Variants in WNK2 observed in about 807,000 individuals in gnomAD.
The protein encoded by WNK2 is WNK lysine deficient protein kinase 2.
A neutral mutation model predicts 192.1 loss-of-function variants in WNK2; 67 were observed. The observed-to-expected ratio is 0.35, with a 90% confidence interval of 0.29 to 0.43. The LOEUF (loss-of-function observed/expected upper bound fraction) is 0.43, where lower values mean the gene tolerates loss of function less well. WNK2 is among the 20% of genes least tolerant of loss of function. The pLI is 1.00. For missense variants in WNK2, 2,698 were observed against 3,089.7 expected, an observed-to-expected ratio of 0.87 and a Z score of 3.01; for synonymous variants, 1,439 against 1,393.9, an observed-to-expected ratio of 1.03 and a Z score of -0.72.
At chr9:93,263,817 G>T (rs1211695640) in intron 15 of WNK2, 83 bp downstream of exon 15, 4 of 506,518 alleles carry the variant, frequency 7.9e-6, no homozygotes, top group South Asian at 5.8e-5. Context: ...TGGCGGGGGT[G>T]TGGTGGGGGT....
At chr9:93,287,356 C>A (rs1290929767) in intron 19 of WNK2, among the ~76,000 whole-genome samples, 1 of 152,140 alleles carries the variant, frequency 6.6e-6, no homozygotes, top group Admixed American at 6.5e-5. Flanking sequence ...AGGACACGGG[C>A]CTGCACGCAC....
intron 9 of WNK2, among the ~76,000 whole-genome samples, chr9:93,255,202 C>T (rs997092072): frequency 1.3e-5 from 2 of 152,216 alleles, no homozygotes; most frequent in Admixed American, 1.3e-4. Flanking sequence ...TCTCCCTACC[C>T]CTCCGTGCCT....
intron 7 of WNK2, among the ~76,000 whole-genome samples, chr9:93,246,015 G>T (rs1841613850): frequency 6.6e-6 from 1 of 152,172 alleles, no homozygotes; most frequent in South Asian, 2.1e-4. Flanking sequence ...GAAACGGAGG[G>T]AGAGATGGGG....
chr9:93,317,837 G>A (rs1209543831), intron 29 of WNK2: 1 of 1,510,726 alleles, frequency 6.6e-7, no homozygotes, highest in Non-Finnish European at 8.9e-7. Context: ...GCCCCCGGCT[G>A]CGGATCACGT....
intron 7 of WNK2, among the ~76,000 whole-genome samples, chr9:93,246,895 C>T (rs1406189781): frequency 6.6e-6 from 1 of 152,230 alleles, no homozygotes; most frequent in Non-Finnish European, 1.5e-5. Context: ...GCAGCCCCTT[C>T]AAAAGGGATC....
At chr9:93,263,777 C>T in intron 15 of WNK2, 43 bp downstream of exon 15, 1 of 310,038 alleles carries the variant, frequency 3.2e-6, no homozygotes, top group Non-Finnish European at 5.4e-6. Flanking sequence ...GGGGTGGGGG[C>T]ATGGTGGGGG....
At chr9:93,258,535 G>A (rs890318389) in intron 11 of WNK2, among the ~76,000 whole-genome samples, 1 of 152,142 alleles carries the variant, frequency 6.6e-6, no homozygotes, top group Admixed American at 6.5e-5. Context: ...GGGCTCTGAA[G>A]TCACTCCTCT....
intron 9 of WNK2, among the ~76,000 whole-genome samples, chr9:93,254,732 G>A (rs1417575356): frequency 6.6e-6 from 1 of 152,162 alleles, no homozygotes; most frequent in Non-Finnish European, 1.5e-5. Context: ...GGGAGCCGAA[G>A]GCAGGAAGAT....
Position 93,297,948 on chromosome 9 carries a change from G to A in WNK2, c.5804G>A (p.Gly1935Asp). The A allele has an allele frequency of 6.3e-7, 1 of 1,585,424 alleles. No homozygotes were observed. The change falls in exon 24 of 30, where the codon GGC becomes GAC. Residue 1935 changes from glycine (G) to aspartate (D), a missense_variant. By Grantham distance (94) the Gly-to-Asp change is moderately conservative (BLOSUM62 -1). Around this residue, in one of 7 missense-constraint regions of WNK2, gnomAD observed 1,098 missense variants for 1,101.0 expected, o/e 1.00. Transcript: ENST00000427277. ...RLGKPLPPNV[G>D]FFHTAPPTGR... ...GGCAAGCCACTGCCCCCCAACGTGG[G>A]CTTCTTCCACACGGCACCCCCCACT...
Position 93,297,942 on chromosome 9 carries a change from A to G in WNK2, c.5798A>G (p.Asn1933Ser), listed in dbSNP as rs1006518024. ...CGCCTGGGCAAGCCACTGCCCCCCA[A>G]CGTGGGCTTCTTCCACACGGCACCC... ...YRRLGKPLPP[N>S]VGFFHTAPPT... is the part of the protein sequence containing the mutation. Residue 1933 changes from asparagine (N) to serine (S), a missense_variant, in exon 24 of 30, where the codon AAC becomes AGC. Coordinates refer to ENST00000427277, the MANE Select transcript of WNK2 (RefSeq NM_006648.4). The G allele has an allele frequency of 6.3e-6, 10 of 1,587,668 alleles. No homozygotes were observed. The highest frequency in any genetic ancestry group is 7.7e-6 in the Non-Finnish European group (9 of 1,168,222).
chr9:93,228,042 A>G (rs1378156634), intron 2 of WNK2, among the ~76,000 whole-genome samples: 2 of 152,226 alleles, frequency 1.3e-5, no homozygotes, highest in African/African-American at 2.4e-5. Context: ...TTATGGGAAC[A>G]TTAATTAGAT....
At chr9:93,220,853 G>A (rs1414603228) in intron 2 of WNK2, among the ~76,000 whole-genome samples, 1 of 152,138 alleles carries the variant, frequency 6.6e-6, no homozygotes, top group African/African-American at 2.4e-5. Context: ...GCTGCACCCT[G>A]TCATGGTTCA....
rs1843452560 is a variant in WNK2 at position 93,257,191 on chromosome 9, C to T, written c.2382+52C>T. 3 of 1,561,502 alleles carry T rather than the reference C, an allele frequency of 1.9e-6. No homozygotes were observed. The highest frequency in any genetic ancestry group is 2.0e-5 in the Admixed American group (1 of 50,328). The stretch of plus-strand genomic sequence containing the variant: ...AGTGGTGGCGCACGCTTTGCCAGGC[C>T]CTGGCTGGTGCACTAGGACACCCAC... On this transcript the variant is annotated intron_variant, in intron 11 of 29. Transcript: ENST00000427277. This position sits in a 1 kb window ranked among gnomAD's most constrained non-coding sequence, Gnocchi z 4.7.
At chr9:93,256,667 A>T (rs1471561192) in intron 10 of WNK2, 1 of 681,786 alleles carries the variant, frequency 1.5e-6, no homozygotes, top group Non-Finnish European at 2.4e-6. Context: ...GTGTGCGTGC[A>T]TAGTGTTCGC....
intron 2 of WNK2, among the ~76,000 whole-genome samples, chr9:93,199,606 A>G (rs990093924): frequency 6.6e-6 from 1 of 152,230 alleles, no homozygotes; most frequent in African/African-American, 2.4e-5. Flanking sequence ...CATTGAAAAC[A>G]CAAAGCTGTG....
rs4744202 is a variant in WNK2, at chr9:93,253,095, A to G, written c.2034+13A>G. 1,349,725 of 1,411,592 alleles carry G rather than the reference A, an allele frequency of 0.96. 645,612 individuals are homozygous for G. The highest frequency in any genetic ancestry group is 0.99 in the African/African-American group (68,178 of 68,670). 87.4% of individuals were successfully genotyped at this position (1,411,592 alleles called of 1,614,324 possible). Reference sequence around the variant, plus strand: ...GCCCACGGCTGCAGTGAGTCAGAGCATCACTCCCACCCCCTTCCCCATCCC... The same window carrying G: ...GCCCACGGCTGCAGTGAGTCAGAGCGTCACTCCCACCCCCTTCCCCATCCC... On this transcript the variant is annotated intron_variant, in intron 9 of 29. Transcript: ENST00000427277.
intron 2 of WNK2, among the ~76,000 whole-genome samples, chr9:93,222,834 C>T (rs1244783240): frequency 2.0e-5 from 3 of 152,060 alleles, no homozygotes; most frequent in Non-Finnish European, 4.4e-5. Flanking sequence ...AGGCGCCTGC[C>T]ACCACACCTG....
At chr9:93,250,579 T>A (rs1295276460) in intron 8 of WNK2, among the ~76,000 whole-genome samples, 1 of 152,204 alleles carries the variant, frequency 6.6e-6, no homozygotes, top group Non-Finnish European at 1.5e-5. Flanking sequence ...ACACACATTA[T>A]TGTATTGGAA....
rs370194045 is a variant in WNK2 at position 93,292,934 on chromosome 9, G to T, written c.5469G>T (p.Gln1823His). Residue 1823 changes from glutamine (Q) to histidine (H), a missense_variant, in exon 23 of 30, where the codon CAG becomes CAT. By Grantham distance (24) the Gln-to-His change is conservative (BLOSUM62 0). Coordinates refer to ENST00000427277, the MANE Select transcript of WNK2 (RefSeq NM_006648.4). ...GGGCGAGACCCCCGGTGCAGAAGCA[G>T]GCGTCCCTGCCCGTGAGTGGCAGCG... ...GPRARPPVQKQASLPVSGSVA... is the reference protein window; with the variant it reads ...GPRARPPVQKHASLPVSGSVA... The T allele has an allele frequency of 3.3e-6, 5 of 1,529,936 alleles. No individual in the cohort carries two copies. Among genetic ancestry groups the T allele is most frequent in the Non-Finnish European group, 4.4e-6 (5 of 1,139,248 alleles). 94.8% of individuals were successfully genotyped at this position (1,529,936 alleles called of 1,614,324 possible). A position where few individuals can be genotyped will look rare whatever the true frequency, so the allele number is the denominator to read the frequency against.
Sources: gnomAD v4.1 joint callset for allele counts (sites outside exome capture counted in the v4.1 genomes callset) on GRCh38, gnomAD v4.1.1 for gene constraint, gnomAD v4.1.1 regional missense constraint, Gnocchi (gnomAD v3.1) non-coding constraint, MANE v1.5 for transcripts, NCBI Gene and HGNC (gene_info 2026-07-23, HGNC 2026-07-21) for gene names.